The following IPMK variants were observed in gnomAD, a reference collection of about 807,000 sequenced individuals.
The protein encoded by IPMK is inositol 1,3,4,6-tetrakisphosphate 5-kinase.
IPMK carries 17 observed loss-of-function variants against 45.8 expected under a neutral mutation model. That is an observed-to-expected ratio of 0.37 (90% CI 0.25 to 0.56). The LOEUF is 0.56. IPMK is among the 20% of genes least tolerant of loss of function. The pLI is 0.79. For synonymous variants in IPMK, 180 were observed against 184.3 expected (o/e 0.98, Z 0.19); for missense variants, 399 against 498.0 (o/e 0.80, Z 1.89).
intron 4 of IPMK, 67 bp from the exon 5 acceptor site, chr10:58,199,388 CAAGG>C: frequency 2.1e-6 from 2 of 957,912 alleles, no homozygotes; most frequent in Non-Finnish European, 3.0e-6. Context: ...ATCCCAGCCA[CAAGG>C]GTGGCTAAAG....
chr10:58,205,474 C>T (rs1838057620), intron 4 of IPMK, among the ~76,000 whole-genome samples: 1 of 152,128 alleles, frequency 6.6e-6, no homozygotes. Flanking sequence ...CTACTCGACA[C>T]CTACTAGGAT....
At chr10:58,232,191 A>G in intron 2 of IPMK, among the ~76,000 whole-genome samples, 1 of 152,198 alleles carries the variant, frequency 6.6e-6, no homozygotes, top group East Asian at 1.9e-4. Context: ...GCAAGTCCTG[A>G]GAGACCTAAA....
At chr10:58,206,582 G>A (rs1349542513) in intron 4 of IPMK, among the ~76,000 whole-genome samples, 2 of 152,064 alleles carry the variant, frequency 1.3e-5, no homozygotes, top group African/African-American at 4.8e-5. Context: ...TGCTTATCCT[G>A]TCCATGTACC....
intron 2 of IPMK, among the ~76,000 whole-genome samples, chr10:58,232,253 G>A (rs1215261074): frequency 1.3e-5 from 2 of 152,122 alleles, no homozygotes; most frequent in Non-Finnish European, 2.9e-5. Context: ...ACACCCCACT[G>A]TCAATATTAA....
At chr10:58,261,594 T>G (rs1009682057) in intron 1 of IPMK, among the ~76,000 whole-genome samples, 4 of 151,776 alleles carry the variant, frequency 2.6e-5, no homozygotes, top group African/African-American at 4.8e-5. Context: ...TTTGTTTGTT[T>G]TTTTTTTTTT....
At chr10:58,215,559 C>T (rs1838232017) in intron 4 of IPMK, among the ~76,000 whole-genome samples, 1 of 151,834 alleles carries the variant, frequency 6.6e-6, no homozygotes, top group Non-Finnish European at 1.5e-5. Context: ...TAGGCACACG[C>T]TACCTCTCAC....
intron 1 of IPMK, among the ~76,000 whole-genome samples, chr10:58,253,663 G>C (rs1183482545): frequency 2.0e-5 from 3 of 149,670 alleles, no homozygotes; most frequent in Non-Finnish European, 4.4e-5. Flanking sequence ...CTTGAACCCA[G>C]GATGTGGAGG....
intron 2 of IPMK, among the ~76,000 whole-genome samples, chr10:58,230,136 A>G (rs1000694499): frequency 3.3e-5 from 5 of 152,148 alleles, no homozygotes; most frequent in African/African-American, 9.7e-5. Flanking sequence ...AGGCTTGGTA[A>G]ACAAAGAAGC....
chr10:58,211,563 G>C lies in IPMK; in HGVS notation c.546+4582C>G, dbSNP rs75940600. 3.5e-3 allele frequency among the ~76,000 whole-genome samples: 538 copies of C among 151,982 alleles called. 6 individuals carry two copies. The highest frequency in any genetic ancestry group is 0.012 in the African/African-American group (503 of 41,424). ...ATTTACTGAGACAGGGAATAACAGG[G>C]ATTTGTTTTTAGGCTGGGCACAGTG... is the stretch of plus-strand genomic sequence containing the variant. On this transcript the variant is annotated intron_variant, in intron 4 of 5. Transcript: ENST00000373935.
rs537303891 is a variant in IPMK, at chr10:58,243,311, G to C, written c.191-5497C>G. On this transcript the variant is annotated intron_variant, in intron 1 of 5. Transcript: ENST00000373935. ...TGTATACATGCATATGCATTGCATG[G>C]ATGGATATACATTGTATATGTATAC... 1.1e-4 allele frequency among the ~76,000 whole-genome samples: 17 copies of C among 152,280 alleles called. No individual in the cohort carries two copies. In the East Asian group the frequency reaches 2.9e-3, roughly 26 times the overall value.
intron 2 of IPMK, among the ~76,000 whole-genome samples, chr10:58,235,549 A>G (rs1001063174): frequency 1.2e-4 from 18 of 152,176 alleles, no homozygotes; most frequent in Admixed American, 4.6e-4. Flanking sequence ...CATCATTCTC[A>G]GCAAACTATC....
At chr10:58,196,837 G>C (rs540768583) in intron 5 of IPMK, 139 bp from the exon 6 acceptor site, 29 of 650,730 alleles carry the variant, frequency 4.5e-5, no homozygotes, top group Non-Finnish European at 7.1e-5. Flanking sequence ...AGAATTCTAA[G>C]AATTCTAGTC....
Position 58,195,985 on chromosome 10 carries a change from C to T in IPMK, c.*91G>A. On this transcript the variant is annotated 3_prime_UTR_variant, in exon 6 of 6. Transcript: ENST00000373935. Reference sequence around the variant, plus strand: ...ACAAATAAAATGTCGACTCATAATACAAATTTTTTACATAGCATTAAAGGT... The same window carrying T: ...ACAAATAAAATGTCGACTCATAATATAAATTTTTTACATAGCATTAAAGGT... The T allele has an allele frequency of 7.9e-7, 1 of 1,257,998 alleles. No homozygotes were observed. The highest frequency in any genetic ancestry group is 1.1e-6 in the Non-Finnish European group (1 of 906,656). The allele number at this position is 1,257,998 out of a possible 1,614,324, so 77.9% of individuals were successfully genotyped here.
At chr10:58,262,158 G>A (rs577248199) in intron 1 of IPMK, among the ~76,000 whole-genome samples, 3 of 152,188 alleles carry the variant, frequency 2.0e-5, no homozygotes, top group Admixed American at 1.3e-4. Context: ...ACTAGTTAAC[G>A]AGTGCAGCAA....
rs1323166347 is a variant in IPMK, at chr10:58,216,380, A to G, written c.374-63T>C. 5.8e-6 allele frequency: 4 copies of G among 694,934 alleles called. No individual in the cohort carries two copies. In the East Asian group the frequency reaches 1.3e-4, roughly 23 times the overall value. The allele number at this position is 694,934 out of a possible 1,614,324, so 43.0% of individuals were successfully genotyped here. Reference sequence around the variant, plus strand: ...ACATATTACTACTCAAGTACTTGCCAGGGAAAAACAAGATGAGAAAATCCT... The same window carrying G: ...ACATATTACTACTCAAGTACTTGCCGGGGAAAAACAAGATGAGAAAATCCT... On this transcript the variant is annotated intron_variant, in intron 3 of 5. Transcript: ENST00000373935.
chr10:58,243,323 T>C (rs951712458), intron 1 of IPMK, among the ~76,000 whole-genome samples: 12 of 152,194 alleles, frequency 7.9e-5, no homozygotes, highest in Non-Finnish European at 1.5e-4. Context: ...TGGATATACA[T>C]TGTATATGTA....
Position 58,243,516 on chromosome 10 carries a change from C to T in IPMK, c.191-5702G>A, listed in dbSNP as rs192937113. On this transcript the variant is annotated intron_variant, in intron 1 of 5. Coordinates refer to ENST00000373935, the MANE Select transcript of IPMK (RefSeq NM_152230.5). ...TGCCGAGTGCCTGTGATTCCAGGCA[C>T]GTGCCGCCACTCCTGACTGGTTTAT... Among the ~76,000 whole-genome samples, 952 of 152,252 alleles carry T rather than the reference C, an allele frequency of 6.3e-3. 9 individuals carry two copies. The highest frequency in any genetic ancestry group is 0.021 in the African/African-American group (868 of 41,552).
chr10:58,261,049 G>A (rs1435975764), intron 1 of IPMK, among the ~76,000 whole-genome samples: 1 of 147,472 alleles, frequency 6.8e-6, no homozygotes, highest in African/African-American at 2.5e-5. Flanking sequence ...ACAAGCCAAT[G>A]AAAATAAAAG....
intron 2 of IPMK, among the ~76,000 whole-genome samples, chr10:58,229,625 A>C (rs1290214867): frequency 6.6e-6 from 1 of 152,048 alleles, no homozygotes; most frequent in Non-Finnish European, 1.5e-5. Context: ...ATAAAATAAA[A>C]ATCTGAAGAA....
Sources: allele counts gnomAD v4.1 joint callset (sites outside exome capture counted in the v4.1 genomes callset), GRCh38; gene constraint gnomAD v4.1.1; transcripts MANE v1.5; gene names NCBI Gene and HGNC (gene_info 2026-07-23, HGNC 2026-07-21).